Variants in NUMB observed in about 807,000 individuals in gnomAD.
NUMB encodes protein numb homolog.
In NUMB, 29 loss-of-function variants were observed where a neutral mutation model predicts 59.7. That is an observed-to-expected ratio of 0.49 (90% CI 0.36 to 0.66). The LOEUF (loss-of-function observed/expected upper bound fraction) is 0.66. Among genes scored for constraint, NUMB ranks in the 30% least tolerant of loss-of-function variants. NUMB has a pLI of 0.00. For missense variants in NUMB, 723 were observed against 822.0 expected (o/e 0.88, Z 1.47); for synonymous variants, 288 against 288.2 (o/e 1.00, Z 0.01).
chr14:73,414,401 G>A (rs138653415), intron 1 of NUMB, among the ~76,000 whole-genome samples: 4 of 152,180 alleles, frequency 2.6e-5, no homozygotes, highest in Admixed American at 6.5e-5. Flanking sequence ...TGTTGCAGGG[G>A]TGTTTGTTTT....
At chr14:73,291,694 T>C (rs1889412831) in intron 8 of NUMB, among the ~76,000 whole-genome samples, 1 of 149,840 alleles carries the variant, frequency 6.7e-6, no homozygotes. Flanking sequence ...TCTTTTTTCT[T>C]TTTTTTTTGG....
At chr14:73,440,221 ATATATAT>A (rs1566798186) in intron 1 of NUMB, among the ~76,000 whole-genome samples, 3 of 150,294 alleles carry the variant, frequency 2.0e-5, no homozygotes, top group African/African-American at 7.4e-5. Flanking sequence ...ATATCCATAT[ATATATAT>A]GGATATCCAT....
In NUMB at chr14:73,277,230, C is replaced by G. The variant is rs905528768; in HGVS notation, c.1304G>C (p.Arg435Pro). The change falls in exon 13 of 13, where the codon CGT becomes CCT. Residue 435 changes from arginine to proline, a missense_variant. Arg to Pro is a moderately radical substitution (Grantham distance 103). This residue lies in a region of NUMB where 406 missense variants were observed against 385.4 expected (regional missense o/e 1.05). Coordinates refer to ENST00000555238, the MANE Select transcript of NUMB (RefSeq NM_001005743.2). The part of the protein sequence containing the change: ...SPGLFQAGHR[R>P]TPSEADRWLE... ...CCATCGGTCGGCCTCAGAGGGAGTA[C>G]GTCTATGACCGGCCTGGAAGAGACC... 6.2e-7 allele frequency: 1 copy of G among 1,613,466 alleles called. No homozygotes were observed.
intron 12 of NUMB, 113 bp from the exon 13 acceptor site, chr14:73,277,406 G>T: frequency 1.2e-6 from 1 of 861,576 alleles, no homozygotes; most frequent in Non-Finnish European, 1.7e-6. Flanking sequence ...CCCCTAATGG[G>T]ACATTTTGTG....
chr14:73,434,806 C>T (rs1897982796), intron 1 of NUMB, among the ~76,000 whole-genome samples: 1 of 152,114 alleles, frequency 6.6e-6, no homozygotes, highest in African/African-American at 2.4e-5. Flanking sequence ...AAAGTTCCCA[C>T]CAATATTAAC....
rs58271649 is a variant in NUMB at position 73,299,554 on chromosome 14, CAT to C, written c.235-2271_235-2270del. Among the ~76,000 whole-genome samples the C allele has an allele frequency of 3.8e-4, 49 of 129,610 alleles. No individual in the cohort carries two copies. In the South Asian group the frequency reaches 7.1e-3, roughly 19 times the overall value. 85.0% of individuals were successfully genotyped at this position (129,610 alleles called of 152,430 possible). A position where few individuals can be genotyped will look rare whatever the true frequency, so the allele number is the denominator to read the frequency against. ...ATGTATATATATGTCATATATGTAT[CAT>C]ATATGTCATATATATGACATGACAT... On this transcript the variant is annotated intron_variant, in intron 6 of 12. Coordinates refer to ENST00000555238, the MANE Select transcript of NUMB (RefSeq NM_001005743.2).
intron 6 of NUMB, among the ~76,000 whole-genome samples, chr14:73,304,133 T>C (rs531807255): frequency 3.3e-5 from 5 of 152,118 alleles, no homozygotes; most frequent in African/African-American, 1.2e-4. Context: ...AAAAAATTGG[T>C]GAAGGAACAT....
chr14:73,280,079 C>T (rs570998768), intron 11 of NUMB, among the ~76,000 whole-genome samples: 1 of 152,228 alleles, frequency 6.6e-6, no homozygotes, highest in East Asian at 1.9e-4. Flanking sequence ...ATCACTTGAA[C>T]CCGGGAGGCG....
chr14:73,429,709 G>A (rs1332285674), intron 1 of NUMB, among the ~76,000 whole-genome samples: 1 of 152,114 alleles, frequency 6.6e-6, no homozygotes, highest in Non-Finnish European at 1.5e-5. Context: ...TTGGGAGGCT[G>A]AGGCAGGCAG....
At chr14:73,395,610 G>C (rs183680537) in intron 2 of NUMB, among the ~76,000 whole-genome samples, 2 of 152,226 alleles carry the variant, frequency 1.3e-5, no homozygotes, top group Admixed American at 6.5e-5. Flanking sequence ...GGCAGAGCGA[G>C]ACTCTGTCTG....
At chr14:73,372,326 T>TAC (rs1894734094) in intron 2 of NUMB, among the ~76,000 whole-genome samples, 1 of 110,002 alleles carries the variant, frequency 9.1e-6, no homozygotes, top group Non-Finnish European at 1.8e-5. Flanking sequence ...TATATATATA[T>TAC]ATATATATAT....
intron 6 of NUMB, among the ~76,000 whole-genome samples, chr14:73,316,011 C>T (rs943481163): frequency 7.9e-5 from 12 of 152,158 alleles, no homozygotes; most frequent in Admixed American, 5.2e-4. Flanking sequence ...CTCAGCCTCC[C>T]GAGTAGCTGG....
chr14:73,279,572 G>T, intron 11 of NUMB, 148 bp from the exon 12 acceptor site: 1 of 649,546 alleles, frequency 1.5e-6, no homozygotes, highest in Non-Finnish European at 2.4e-6. Flanking sequence ...ATGATATCTT[G>T]CATTGGATGT....
In NUMB at chr14:73,364,274, G is replaced by C. The variant is rs554864439; in HGVS notation, c.-16+2623C>G. ...CCGTGCTGAGGTGGGCGGATAACTT[G>C]AGGCGGATAACCTGAGGTCAGGAGT... On this transcript the variant is annotated intron_variant, in intron 3 of 12. Coordinates refer to ENST00000555238, the MANE Select transcript of NUMB (RefSeq NM_001005743.2). Among the ~76,000 whole-genome samples the C allele has an allele frequency of 2.0e-5, 3 of 152,188 alleles. No homozygotes were observed. The East Asian group carries it at 5.8e-4, about 30-fold the overall frequency.
At chr14:73,385,883 A>C (rs1298168266) in intron 2 of NUMB, among the ~76,000 whole-genome samples, 1 of 152,276 alleles carries the variant, frequency 6.6e-6, no homozygotes, top group East Asian at 1.9e-4. Context: ...ATTCGTTGCA[A>C]TGGAGAAAAT....
chr14:73,445,700 A>G (rs915688346), intron 1 of NUMB, among the ~76,000 whole-genome samples: 4 of 152,198 alleles, frequency 2.6e-5, no homozygotes, highest in African/African-American at 4.8e-5. Context: ...TTAACTTTAC[A>G]TGGATTATCT....
chr14:73,436,910 C>G (rs1898078198), intron 1 of NUMB, among the ~76,000 whole-genome samples: 1 of 150,708 alleles, frequency 6.6e-6, no homozygotes, highest in Non-Finnish European at 1.5e-5. Context: ...ACCCAGGAGG[C>G]GGAGGTTGCA....
intron 6 of NUMB, among the ~76,000 whole-genome samples, chr14:73,315,024 TA>T (rs942231251): frequency 6.6e-6 from 1 of 152,114 alleles, no homozygotes; most frequent in African/African-American, 2.4e-5. Context: ...AAATGTCTAT[TA>T]AAAAATGTAT....
chr14:73,287,544 A>T (rs1889100447), intron 8 of NUMB, among the ~76,000 whole-genome samples: 1 of 151,602 alleles, frequency 6.6e-6, no homozygotes, highest in Non-Finnish European at 1.5e-5. Flanking sequence ...CACCTGGCTA[A>T]TTTTTGTATT....
Sources: allele counts gnomAD v4.1 joint callset (sites outside exome capture counted in the v4.1 genomes callset), GRCh38; gene constraint gnomAD v4.1.1; regional missense constraint gnomAD v4.1.1; transcripts MANE v1.5; gene names NCBI Gene and HGNC (gene_info 2026-07-23, HGNC 2026-07-21).